FBXL17: variants seen among roughly 807,000 people sequenced by gnomAD.
FBXL17 encodes the protein F-box and leucine rich repeat protein 17, also known as F-box/LRR-repeat protein 17.
A neutral mutation model predicts 66.2 loss-of-function variants in FBXL17; 22 were observed. The observed-to-expected ratio is 0.33, with a 90% confidence interval of 0.24 to 0.47. The LOEUF (loss-of-function observed/expected upper bound fraction) is 0.47, where lower values mean the gene tolerates loss of function less well. FBXL17 is among the 20% of genes least tolerant of loss of function. The pLI is 1.00. For missense variants in FBXL17, 878 were observed against 948.2 expected (o/e 0.93, Z 0.97); for synonymous variants, 474 against 400.5 (o/e 1.18, Z -2.19).
intron 6 of FBXL17, among the ~76,000 whole-genome samples, chr5:108,088,700 C>CAAAAAAAAAAA (rs57707936): frequency 2.0e-4 from 10 of 49,344 alleles, no homozygotes; most frequent in African/African-American, 6.9e-4. Context: ...GACTCTATCT[C>CAAAAAAAAAAA]AAAAAAAAAA....
intron 7 of FBXL17, among the ~76,000 whole-genome samples, chr5:107,976,034 A>G (rs1371711068): frequency 6.6e-6 from 1 of 151,508 alleles, no homozygotes; most frequent in Non-Finnish European, 1.5e-5. Context: ...AATTTTTTAT[A>G]TTTTAGTAGA....
At chr5:108,374,665 G>A (rs1210894050) in intron 1 of FBXL17, among the ~76,000 whole-genome samples, 1 of 151,992 alleles carries the variant, frequency 6.6e-6, no homozygotes, top group Non-Finnish European at 1.5e-5. Flanking sequence ...GATACAGTGA[G>A]ACTCTGTTTC....
intron 4 of FBXL17, among the ~76,000 whole-genome samples, chr5:108,258,624 C>A (rs980053680): frequency 1.3e-5 from 2 of 152,114 alleles, no homozygotes; most frequent in African/African-American, 4.8e-5. Flanking sequence ...GGTCAAAAAA[C>A]CTGGGCTCTA....
At position 108,225,243 on chromosome 5, in the gene FBXL17, A is replaced by G. The variant is rs73214521; in HGVS notation, c.1507-1015T>C. On this transcript the variant is annotated intron_variant, in intron 4 of 8. Transcript: ENST00000542267. ...TCATCCATGTTGTAATATGTGTTGG[A>G]ATTTCCTTACTTTTCAAGGCTGAAA... 8.0e-3 allele frequency among the ~76,000 whole-genome samples: 1,222 copies of G among 152,264 alleles called. 16 individuals carry two copies. The highest frequency in any genetic ancestry group is 0.027 in the Middle Eastern group (8 of 294).
At chr5:108,326,334 T>G (rs964558239) in intron 4 of FBXL17, among the ~76,000 whole-genome samples, 1 of 152,028 alleles carries the variant, frequency 6.6e-6, no homozygotes, top group Non-Finnish European at 1.5e-5. Context: ...GGCTCACATC[T>G]GTAATCACAG....
chr5:107,968,695 A>C (rs996447829), intron 7 of FBXL17, among the ~76,000 whole-genome samples: 4 of 152,174 alleles, frequency 2.6e-5, no homozygotes, highest in African/African-American at 9.6e-5. Context: ...AAAATAAATA[A>C]AAATTGCCTC....
intron 4 of FBXL17, chr5:108,302,154 T>C (rs1176708223): frequency 7.8e-6 from 2 of 258,042 alleles, no homozygotes; most frequent in Non-Finnish European, 1.2e-5. Flanking sequence ...TGCAACTAAA[T>C]TGATATATCC....
intron 6 of FBXL17, among the ~76,000 whole-genome samples, chr5:108,129,945 C>CAGAT (rs1750867378): frequency 1.5e-4 from 1 of 6,746 alleles, no homozygotes. Flanking sequence ...AAAAAGTGAC[C>CAGAT]AATGTGATAA....
chr5:108,109,996 T>C (rs1228239359), intron 6 of FBXL17, among the ~76,000 whole-genome samples: 3 of 152,184 alleles, frequency 2.0e-5, no homozygotes, highest in African/African-American at 7.2e-5. Flanking sequence ...AAGTCTGCCA[T>C]ATGACTGAGT....
At chr5:108,000,701 T>C (rs904425999) in intron 7 of FBXL17, among the ~76,000 whole-genome samples, 28 of 152,340 alleles carry the variant, frequency 1.8e-4, no homozygotes, top group Non-Finnish European at 1.2e-4. Context: ...GAGAGTATCA[T>C]ATACCAGAAC....
chr5:108,137,471 G>A (rs1477380040), intron 6 of FBXL17, among the ~76,000 whole-genome samples: 1 of 151,982 alleles, frequency 6.6e-6, no homozygotes, highest in Non-Finnish European at 1.5e-5. Context: ...CAAAAACACT[G>A]TGTTTTTGAA....
chr5:108,177,830 A>T, intron 6 of FBXL17, among the ~76,000 whole-genome samples: 1 of 151,320 alleles, frequency 6.6e-6, no homozygotes, highest in East Asian at 1.9e-4. Context: ...GTGTATAAAC[A>T]GAACAGTGTC....
chr5:108,144,338 C>T (rs13155365), intron 6 of FBXL17, among the ~76,000 whole-genome samples: 9,689 of 151,924 alleles, frequency 0.064, 407 homozygotes, highest in Non-Finnish European at 0.092. Context: ...TTATTTGGGC[C>T]GAATTTAGGT....
At chr5:108,230,851 C>A (rs191579182) in intron 4 of FBXL17, among the ~76,000 whole-genome samples, 3 of 148,492 alleles carry the variant, frequency 2.0e-5, no homozygotes, top group Non-Finnish European at 4.5e-5. Flanking sequence ...TGTATACTGC[C>A]CGGGTGATGG....
rs115782094 is a variant in FBXL17, at chr5:107,981,123, G to A, written c.1822+39802C>T. On this transcript the variant is annotated intron_variant, in intron 7 of 8. Transcript: ENST00000542267. ...AAATGGGAGGGCATCTGAGACACAG[G>A]CAACGTCACAGAAACTGGGCTGAGG... Among the ~76,000 whole-genome samples, 488 of 152,180 alleles carry A rather than the reference G, an allele frequency of 3.2e-3. 2 individuals are homozygous for A. The highest frequency in any genetic ancestry group is 0.011 in the African/African-American group (454 of 41,528).
intron 6 of FBXL17, among the ~76,000 whole-genome samples, chr5:108,150,233 CT>C (rs528972136): frequency 4.0e-5 from 6 of 151,826 alleles, no homozygotes; most frequent in African/African-American, 7.2e-5. Context: ...TTGATACAAT[CT>C]TTTTTTTTCT....
At chr5:108,224,833 G>T (rs1341756981) in intron 4 of FBXL17, among the ~76,000 whole-genome samples, 3 of 151,890 alleles carry the variant, frequency 2.0e-5, no homozygotes, top group African/African-American at 7.3e-5. Context: ...TCACCATGTT[G>T]GCCAGGTTGG....
chr5:108,346,450 T>C (rs1189234778), intron 4 of FBXL17, among the ~76,000 whole-genome samples: 1 of 152,148 alleles, frequency 6.6e-6, no homozygotes, highest in East Asian at 1.9e-4. Context: ...ACATAAACAG[T>C]TGCTTTCTTT....
chr5:108,363,792 C>A (rs1580894837), intron 3 of FBXL17, among the ~76,000 whole-genome samples: 1 of 151,890 alleles, frequency 6.6e-6, no homozygotes, highest in Admixed American at 6.6e-5. Context: ...AATACATACA[C>A]CTTTTTAAAA....
Sources: gnomAD v4.1 joint callset for allele counts (sites outside exome capture counted in the v4.1 genomes callset) on GRCh38, gnomAD v4.1.1 for gene constraint, MANE v1.5 for transcripts, NCBI Gene and HGNC (gene_info 2026-07-23, HGNC 2026-07-21) for gene names.